TDRD9: variants seen among roughly 807,000 people sequenced by gnomAD.
TDRD9 encodes the protein ATP-dependent RNA helicase TDRD9.
A neutral mutation model predicts 172.6 loss-of-function variants in TDRD9; 124 were observed. The observed-to-expected ratio is 0.72, with a 90% CI of 0.62 to 0.83. The LOEUF is 0.83. TDRD9 is among the 40% of genes least tolerant of loss of function. The pLI is 0.00. For synonymous variants in TDRD9, 619 were observed against 617.1 expected, an observed-to-expected ratio of 1.00 and a Z score of -0.05; for missense variants, 1,479 against 1,714.1, an observed-to-expected ratio of 0.86 and a Z score of 2.42.
Position 104,052,491 on chromosome 14 carries a change from T to C in TDRD9, c.*409T>C, listed in dbSNP as rs199780095. 6 of 15,740 alleles carry C rather than the reference T, an allele frequency of 3.8e-4. No homozygotes were observed. The highest frequency in any genetic ancestry group is 4.3e-4 in the African/African-American group (6 of 14,094). The allele number at this position is 15,740 out of a possible 1,614,324, so 1.0% of individuals were successfully genotyped here. A position where few individuals can be genotyped will look rare whatever the true frequency, so the allele number is the denominator to read the frequency against. ...TTAAACCAGTAGTATAGGAAAAAAC[T>C]TAAAAAAACAAAAAAACCATGTAGT... On this transcript the variant is annotated 3_prime_UTR_variant, in exon 36 of 36. Transcript: ENST00000409874.
intron 7 of TDRD9, 47 bp from the exon 8 acceptor site, chr14:103,986,170 T>G: frequency 7.0e-7 from 1 of 1,430,728 alleles, no homozygotes; most frequent in African/African-American, 1.4e-5. Flanking sequence ...AGGTTTCTTC[T>G]GTAATCCTGT....
chr14:104,006,677 A>G lies in TDRD9; in HGVS notation c.1911A>G (p.Ala637=), dbSNP rs770006747. Residue 637 remains alanine, a synonymous_variant, in exon 17 of 36, where the codon GCA becomes GCG. Coordinates refer to ENST00000409874, the MANE Select transcript of TDRD9 (RefSeq NM_153046.3). ...CTCTTTCTTTGAAGAATTTTTTTGC[A>G]ATGCCTTTCCGGCAGCATCTCGATG... ...AAALSLKNFF[A]MPFRQHLDGY... The G allele has an allele frequency of 6.2e-7, 1 of 1,613,886 alleles. No individual in the cohort carries two copies. Among genetic ancestry groups the G allele is most frequent in the East Asian group, 2.2e-5 (1 of 44,872 alleles).
Position 103,928,479 on chromosome 14 carries a change from G to T in TDRD9, c.-31G>T. On this transcript the variant is annotated 5_prime_UTR_variant, in exon 1 of 36. Transcript: ENST00000409874. ...CTGTTCCCGCCGCGGAGACCCGGCA[G>T]TTGGGGGATGCCGACGCCTGGGCCT... The T allele has an allele frequency of 7.0e-7, 1 of 1,429,178 alleles. No individual in the cohort carries two copies. The highest frequency in any genetic ancestry group is 3.2e-5 in the East Asian group (1 of 30,824). The allele number at this position is 1,429,178 out of a possible 1,614,324, so 88.5% of individuals were successfully genotyped here.
At position 103,956,149 on chromosome 14, in the gene TDRD9, T is replaced by TAA. The variant is rs1566738505; in HGVS notation, c.322+380_322+381dup. On this transcript the variant is annotated intron_variant, in intron 2 of 35. Transcript: ENST00000409874. ...ATATATATATATATATATATATATA[T>TAA]AATTATTAGGCCAGGCGCAGTGGCT... Among the ~76,000 whole-genome samples, 69 of 102,050 alleles carry TAA rather than the reference T, an allele frequency of 6.8e-4. 2 individuals are homozygous for TAA. In the South Asian group the frequency reaches 0.016, roughly 23 times the overall value. The allele number at this position is 102,050 out of a possible 152,430, so 66.9% of individuals were successfully genotyped here. A position where few individuals can be genotyped will look rare whatever the true frequency, so the allele number is the denominator to read the frequency against.
chr14:103,998,593 G>C, intron 12 of TDRD9, 31 bp from the exon 13 acceptor site: 1 of 1,115,058 alleles, frequency 9.0e-7, no homozygotes. Flanking sequence ...TTATTAGCAT[G>C]GTGTTTACAG....
chr14:103,953,742 C>T (rs540447744), intron 1 of TDRD9, among the ~76,000 whole-genome samples: 8 of 152,160 alleles, frequency 5.3e-5, no homozygotes, highest in Admixed American at 1.3e-4. Context: ...GTCTGAGAAT[C>T]AGGAACTCTA....
intron 12 of TDRD9, among the ~76,000 whole-genome samples, chr14:103,996,734 C>T (rs2034073099): frequency 6.6e-6 from 1 of 152,114 alleles, no homozygotes; most frequent in Admixed American, 6.6e-5. Context: ...GTTCTCATGA[C>T]ACATTCGGGG....
chr14:103,973,187 G>A (rs906244950), intron 6 of TDRD9, among the ~76,000 whole-genome samples: 3 of 152,010 alleles, frequency 2.0e-5, no homozygotes, highest in Admixed American at 2.0e-4. Flanking sequence ...ATATTTTCTC[G>A]ATATAGAAAC....
At chr14:104,023,993 A>G (rs1014171263) in intron 24 of TDRD9, among the ~76,000 whole-genome samples, 4 of 152,182 alleles carry the variant, frequency 2.6e-5, no homozygotes, top group African/African-American at 9.7e-5. Context: ...CTTTCTCTTC[A>G]TTTTAGAATA....
chr14:103,967,755 A>C (rs1411960658), intron 5 of TDRD9, among the ~76,000 whole-genome samples: 2 of 152,198 alleles, frequency 1.3e-5, no homozygotes, highest in African/African-American at 4.8e-5. Flanking sequence ...CTTACAAAAT[A>C]GGGTGATATA....
chr14:103,943,531 T>G (rs1490714832), intron 1 of TDRD9, among the ~76,000 whole-genome samples: 1 of 148,714 alleles, frequency 6.7e-6, no homozygotes, highest in Non-Finnish European at 1.5e-5. Context: ...TTTTTTTTTT[T>G]GTAGAAATAA....
chr14:104,016,503 G>T (rs1234881687), intron 22 of TDRD9, among the ~76,000 whole-genome samples: 1 of 152,222 alleles, frequency 6.6e-6, no homozygotes, highest in Non-Finnish European at 1.5e-5. Flanking sequence ...ATGCCCAACA[G>T]AACTACCTGG....
chr14:104,005,339 G>A lies in TDRD9; in HGVS notation c.1647G>A (p.Leu549=). The A allele has an allele frequency of 6.2e-7, 1 of 1,613,976 alleles. No homozygotes were observed. The highest frequency in any genetic ancestry group is 8.5e-7 in the Non-Finnish European group (1 of 1,179,874). ...KLLDMGEPRA[L]LATALSPPGL... ...TTGACATGGGTGAGCCGAGAGCTCT[G>A]CTGGCCACTGCCCTTTCCCCGCCTG... Residue 549 remains leucine, a synonymous_variant, in exon 15 of 36, where the codon CTG becomes CTA. Transcript: ENST00000409874.
At chr14:104,040,879 A>G (rs566988329) in intron 33 of TDRD9, among the ~76,000 whole-genome samples, 1 of 152,382 alleles carries the variant, frequency 6.6e-6, no homozygotes, top group Non-Finnish European at 1.5e-5. Context: ...AAGTATTTGT[A>G]TGTCATTTGA....
chr14:103,951,890 C>G (rs1319701137), intron 1 of TDRD9, among the ~76,000 whole-genome samples: 2 of 151,580 alleles, frequency 1.3e-5, no homozygotes, highest in Non-Finnish European at 2.9e-5. Flanking sequence ...CCTCAGCCTC[C>G]GGAGTAGCTG....
chr14:103,937,394 T>G (rs1038296108), intron 1 of TDRD9, among the ~76,000 whole-genome samples: 6 of 152,214 alleles, frequency 3.9e-5, no homozygotes, highest in African/African-American at 1.4e-4. Flanking sequence ...GCAGGCTCCT[T>G]TCTTCATTTG....
chr14:103,998,850 T>C (rs1348370820), intron 13 of TDRD9, 122 bp downstream of exon 13: 1 of 571,098 alleles, frequency 1.8e-6, no homozygotes, highest in African/African-American at 1.9e-5. Flanking sequence ...TGGAAGGCAG[T>C]GGCGCGATCT....
chr14:104,031,833 A>G (rs1306808774), intron 29 of TDRD9, among the ~76,000 whole-genome samples, 184 bp from the exon 30 acceptor site: 2 of 152,136 alleles, frequency 1.3e-5, no homozygotes, highest in African/African-American at 4.8e-5. Flanking sequence ...TGTTGAAGAG[A>G]ATGAGTTACA....
At chr14:103,941,559 T>A in intron 1 of TDRD9, 12 of 1,535,370 alleles carry the variant, frequency 7.8e-6, no homozygotes, top group Non-Finnish European at 1.0e-5. Context: ...TTCGATTTCT[T>A]GTATTAATCT....
Sources: allele counts gnomAD v4.1 joint callset (sites outside exome capture counted in the v4.1 genomes callset), GRCh38; gene constraint gnomAD v4.1.1; transcripts MANE v1.5; gene names NCBI Gene and HGNC (gene_info 2026-07-23, HGNC 2026-07-21).